Variants in ADAM17 observed in about 807,000 individuals in gnomAD.
The protein encoded by ADAM17 is disintegrin and metalloproteinase domain-containing protein 17.
ADAM17 carries 39 observed loss-of-function variants against 96.7 expected under a neutral mutation model. The observed-to-expected ratio is 0.40, with a 90% CI of 0.31 to 0.53. The LOEUF (loss-of-function observed/expected upper bound fraction) is 0.53. Among genes scored for constraint, ADAM17 ranks in the 20% least tolerant of loss-of-function variants. The pLI, the probability that ADAM17 is intolerant of heterozygous loss-of-function variation, is 0.44. For synonymous variants in ADAM17, 344 were observed against 359.2 expected, an observed-to-expected ratio of 0.96 and a Z score of 0.48; for missense variants, 777 against 1,013.2, an observed-to-expected ratio of 0.77 and a Z score of 3.17.
At chr2:9,542,405 A>C (rs1453235161) in intron 2 of ADAM17, among the ~76,000 whole-genome samples, 1 of 152,152 alleles carries the variant, frequency 6.6e-6, no homozygotes, top group Non-Finnish European at 1.5e-5. Flanking sequence ...CAGGTTAAAG[A>C]ATCCTGGAAA....
At position 9,534,301 on chromosome 2, in the gene ADAM17, A is replaced by T. The variant is rs1321174235; in HGVS notation, c.450+1533T>A. Among the ~76,000 whole-genome samples, 6 of 152,188 alleles carry T rather than the reference A, an allele frequency of 3.9e-5. No homozygotes were observed. In the East Asian group the frequency reaches 1.2e-3, roughly 29 times the overall value. On this transcript the variant is annotated intron_variant, in intron 4 of 18. Coordinates refer to ENST00000310823, the MANE Select transcript of ADAM17 (RefSeq NM_003183.6). ...GGAGAACCGCCTGAACCCAGGAGCC[A>T]GAGGTTGCAGTGAGCCGAGACCACG...
intron 11 of ADAM17, chr2:9,505,716 T>A (rs1272589532): frequency 1.2e-5 from 3 of 257,076 alleles, no homozygotes; most frequent in East Asian, 1.7e-4. Context: ...AGACTTGAAA[T>A]CTCCTCACCT....
At chr2:9,514,560 TATATATATAA>T (rs1230715980) in intron 10 of ADAM17, among the ~76,000 whole-genome samples, 5 of 59,324 alleles carry the variant, frequency 8.4e-5, no homozygotes, top group South Asian at 4.4e-4. Flanking sequence ...TATATATATA[TATATATATAA>T]ATAAAAAGAG....
chr2:9,514,675 C>T (rs1362795670), intron 10 of ADAM17, among the ~76,000 whole-genome samples: 5 of 150,698 alleles, frequency 3.3e-5, no homozygotes, highest in South Asian at 2.1e-4. Context: ...AGATTGAGAC[C>T]ATCCTGGCTA....
At chr2:9,508,369 C>G in intron 11 of ADAM17, among the ~76,000 whole-genome samples, 1 of 152,196 alleles carries the variant, frequency 6.6e-6, no homozygotes, top group East Asian at 1.9e-4. Context: ...TACATCCGCG[C>G]TACTTTTCCT....
intron 15 of ADAM17, 79 bp downstream of exon 15, chr2:9,494,558 T>C: frequency 6.5e-7 from 1 of 1,539,710 alleles, no homozygotes. Flanking sequence ...TGATTTGTTT[T>C]CATCTGCAAA....
intron 10 of ADAM17, among the ~76,000 whole-genome samples, chr2:9,514,773 G>A (rs1196199468): frequency 6.6e-6 from 1 of 151,544 alleles, no homozygotes; most frequent in Non-Finnish European, 1.5e-5. Context: ...TACTTGGGAG[G>A]CTGAGGCAAG....
At chr2:9,544,440 G>A (rs533826223) in intron 1 of ADAM17, among the ~76,000 whole-genome samples, 65 of 152,248 alleles carry the variant, frequency 4.3e-4, no homozygotes, top group Middle Eastern at 3.4e-3. Context: ...CAGGAGAATC[G>A]CTTGAACCCA....
chr2:9,514,512 AATATAAATATATATATATAT>A (rs1441355780), intron 10 of ADAM17, among the ~76,000 whole-genome samples: 3 of 89,240 alleles, frequency 3.4e-5, no homozygotes, highest in African/African-American at 4.3e-5. Flanking sequence ...TTAAATTTAA[AATATAAATATATATATATAT>A]ATATATATAT....
chr2:9,550,122 TAGTA>T (rs1431338404), intron 1 of ADAM17, among the ~76,000 whole-genome samples: 6 of 152,108 alleles, frequency 3.9e-5, no homozygotes, highest in African/African-American at 1.2e-4. Flanking sequence ...AGGCCACGTG[TAGTA>T]AGTGTCAGGT....
intron 4 of ADAM17, among the ~76,000 whole-genome samples, chr2:9,531,609 G>A (rs1664742078): frequency 6.6e-6 from 1 of 152,178 alleles, no homozygotes; most frequent in South Asian, 2.1e-4. Context: ...GGCTGAGGCA[G>A]GAGAAATGCT....
At position 9,488,532 on chromosome 2, in the gene ADAM17, A is replaced by C; in HGVS notation, c.*1645T>G. Reference sequence around the variant, plus strand: ...TAATGCAGATATCAGTGCTACAGCTATAAAATATACCCTGAGCAGCTTGTT... The same window carrying C: ...TAATGCAGATATCAGTGCTACAGCTCTAAAATATACCCTGAGCAGCTTGTT... On this transcript the variant is annotated 3_prime_UTR_variant, in exon 19 of 19. Coordinates refer to ENST00000310823, the MANE Select transcript of ADAM17 (RefSeq NM_003183.6). 2.3e-6 allele frequency: 1 copy of C among 427,110 alleles called. No homozygotes were observed. Among genetic ancestry groups the C allele is most frequent in the Non-Finnish European group, 4.1e-6 (1 of 243,696 alleles). 26.5% of individuals were successfully genotyped at this position (427,110 alleles called of 1,614,324 possible).
chr2:9,535,675 G>A (rs756684908), intron 4 of ADAM17, among the ~76,000 whole-genome samples, 159 bp downstream of exon 4: 8 of 152,080 alleles, frequency 5.3e-5, no homozygotes, highest in Non-Finnish European at 1.0e-4. Flanking sequence ...CAGCTTCTTA[G>A]AGATTATCCT....
At chr2:9,493,577 ATC>A in intron 16 of ADAM17, among the ~76,000 whole-genome samples, 168 bp downstream of exon 16, 1 of 152,298 alleles carries the variant, frequency 6.6e-6, no homozygotes, top group African/African-American at 2.4e-5. Context: ...GGGACAGACT[ATC>A]TATGAGTTCA....
intron 3 of ADAM17, among the ~76,000 whole-genome samples, chr2:9,536,206 AAGAG>A (rs1188120373): frequency 6.6e-6 from 1 of 152,238 alleles, no homozygotes; most frequent in African/African-American, 2.4e-5. Context: ...AGGAAGAACT[AAGAG>A]AGACAGAAAG....
intron 1 of ADAM17, among the ~76,000 whole-genome samples, chr2:9,548,247 G>T (rs1019131975): frequency 6.6e-6 from 1 of 152,040 alleles, no homozygotes; most frequent in African/African-American, 2.4e-5. Flanking sequence ...CATGAGAATC[G>T]CTTGAACCCA....
intron 9 of ADAM17, 50 bp downstream of exon 9, chr2:9,518,053 C>T: frequency 6.4e-7 from 1 of 1,571,398 alleles, no homozygotes. Flanking sequence ...ATAATCCAAT[C>T]ATCTTAATAA....
chr2:9,525,057 TAA>T (rs1405776169), intron 6 of ADAM17, among the ~76,000 whole-genome samples: 1 of 152,056 alleles, frequency 6.6e-6, no homozygotes, highest in Non-Finnish European at 1.5e-5. Flanking sequence ...AAACCCAGAT[TAA>T]GAGAGAAGCT....
chr2:9,546,943 G>A (rs879603573), intron 1 of ADAM17, among the ~76,000 whole-genome samples: 2 of 152,060 alleles, frequency 1.3e-5, no homozygotes, highest in Non-Finnish European at 2.9e-5. Context: ...TCTTGACCTC[G>A]TGATCCACCC....
Sources: allele counts gnomAD v4.1 joint callset (sites outside exome capture counted in the v4.1 genomes callset), GRCh38; gene constraint gnomAD v4.1.1; transcripts MANE v1.5; gene names NCBI Gene and HGNC (gene_info 2026-07-23, HGNC 2026-07-21).